NEIL3: variants seen among roughly 807,000 people sequenced by gnomAD.
NEIL3 encodes the protein endonuclease 8-like 3.
NEIL3 carries 48 observed loss-of-function variants against 57.5 expected under a neutral mutation model. That is an observed-to-expected ratio of 0.83 (90% confidence interval 0.66 to 1.06). The LOEUF is 1.06. Ranked by LOEUF, NEIL3 falls within the 50% of genes least tolerant of loss-of-function variation. The probability of loss-of-function intolerance (pLI) is 0.00; values close to 1 mark genes in which losing one functional copy is unlikely to be tolerated. For synonymous variants in NEIL3, 261 were observed against 253.2 expected (o/e 1.03, Z -0.29); for missense variants, 717 against 739.1 (o/e 0.97, Z 0.35).
In NEIL3 at chr4:177,310,014, G is replaced by A. The variant is rs775521291; in HGVS notation, c.61G>A (p.Gly21Ser). 6.2e-7 allele frequency: 1 copy of A among 1,610,592 alleles called. No homozygotes were observed. Among genetic ancestry groups the A allele is most frequent in the African/African-American group, 1.3e-5 (1 of 74,776 alleles). Reference sequence around the variant, plus strand: ...GAAGATTCGCGCGCGGGTGCTCCCGGGCCAGGCGGTGACCGGCGTGCGGGG... The same window carrying A: ...GAAGATTCGCGCGCGGGTGCTCCCGAGCCAGGCGGTGACCGGCGTGCGGGG... The part of the protein sequence containing the change: ...GEKIRARVLP[G>S]QAVTGVRGSA... The change falls in exon 1 of 10, where the codon GGC (glycine) becomes AGC (serine). Residue 21 changes from glycine (G) to serine (S), a missense_variant. Coordinates refer to ENST00000264596, the MANE Select transcript of NEIL3 (RefSeq NM_018248.3).
downstream of NEIL3, among the ~76,000 whole-genome samples, chr4:177,367,311 G>C (rs1038212970): frequency 2.6e-4 from 39 of 152,144 alleles, 1 homozygote; most frequent in African/African-American, 8.9e-4. Flanking sequence ...TTGAGGTTTA[G>C]TGTGTAGGTT....
intron 2 of NEIL3, among the ~76,000 whole-genome samples, chr4:177,326,491 G>A (rs934624730): frequency 6.6e-6 from 1 of 151,422 alleles, no homozygotes; most frequent in Non-Finnish European, 1.5e-5. Flanking sequence ...AAATTAAGTA[G>A]TGTCAGTCGT....
intron 2 of NEIL3, among the ~76,000 whole-genome samples, chr4:177,328,004 G>A (rs2110897590): frequency 1.3e-5 from 2 of 152,236 alleles, no homozygotes; most frequent in South Asian, 4.1e-4. Flanking sequence ...GCACTATGGT[G>A]TTATTTTTCT....
chr4:177,362,666 G>A lies in NEIL3; in HGVS notation c.*195G>A, dbSNP rs1459691637. On this transcript the variant is annotated 3_prime_UTR_variant, in exon 10 of 10. Coordinates refer to ENST00000264596, the MANE Select transcript of NEIL3 (RefSeq NM_018248.3). ...CGTCTTTTCTTTTGCCTTGATGAAC[G>A]TTCTATGTATTTCATCGGATATACA... 8 of 465,516 alleles carry A rather than the reference G, an allele frequency of 1.7e-5. No homozygotes were observed. Among genetic ancestry groups the A allele is most frequent in the South Asian group, 3.8e-5 (1 of 26,420 alleles). The allele number at this position is 465,516 out of a possible 1,614,324, so 28.8% of individuals were successfully genotyped here.
rs1372337389 is a variant in NEIL3 at position 177,310,123 on chromosome 4, G to GT, written c.156+15dup. ...GTCTCCCCGCAGGTGAGCTACTCCT[G>GT]TAACAGGCCATGCAGTCAGCAGGGG... On this transcript the variant is annotated intron_variant, in intron 1 of 9. Transcript: ENST00000264596. The GT allele has an allele frequency of 3.2e-6, 5 of 1,552,526 alleles. No homozygotes were observed. Among genetic ancestry groups the GT allele is most frequent in the Non-Finnish European group, 4.3e-6 (5 of 1,155,820 alleles).
chr4:177,352,275 CT>C (rs529950089), intron 7 of NEIL3, among the ~76,000 whole-genome samples: 108 of 152,328 alleles, frequency 7.1e-4, no homozygotes, highest in Non-Finnish European at 1.3e-3. Context: ...GACATCACCC[CT>C]TGCACAGCTT....
the NEIL3 span, among the ~76,000 whole-genome samples, chr4:177,370,671 C>T: frequency 6.6e-6 from 1 of 152,156 alleles, no homozygotes; most frequent in Non-Finnish European, 1.5e-5. Flanking sequence ...GAGGCCGAAG[C>T]AGGCAGATCA....
intron 1 of NEIL3, 42 bp from the exon 2 acceptor site, chr4:177,322,417 G>T: frequency 6.5e-7 from 1 of 1,546,106 alleles, no homozygotes; most frequent in Non-Finnish European, 8.8e-7. Context: ...CTTAGAGTTT[G>T]TGTGTGTGTG....
chr4:177,334,593 A>T (rs2048076), intron 2 of NEIL3, among the ~76,000 whole-genome samples: 1 of 151,948 alleles, frequency 6.6e-6, no homozygotes, highest in East Asian at 1.9e-4. Flanking sequence ...TTGAACTTCC[A>T]TAAGTTAAAT....
chr4:177,370,116 T>C, the NEIL3 span, among the ~76,000 whole-genome samples: 1 of 152,186 alleles, frequency 6.6e-6, no homozygotes, highest in South Asian at 2.1e-4. Flanking sequence ...TTGGAAGAGA[T>C]GCTGGGGTGA....
At chr4:177,367,416 C>T (rs1735706346), downstream of NEIL3, among the ~76,000 whole-genome samples, 1 of 152,114 alleles carries the variant, frequency 6.6e-6, no homozygotes, top group African/African-American at 2.4e-5. Context: ...TGCTGTGGCT[C>T]CTTATCAATC....
intron 6 of NEIL3, among the ~76,000 whole-genome samples, chr4:177,345,554 C>A (rs1735201661): frequency 6.6e-6 from 1 of 151,458 alleles, no homozygotes; most frequent in Admixed American, 6.6e-5. Flanking sequence ...TGAGATGTTA[C>A]ATATGTGTAC....
chr4:177,352,164 TTC>T (rs1735367600), intron 7 of NEIL3, among the ~76,000 whole-genome samples: 1 of 152,246 alleles, frequency 6.6e-6, no homozygotes, highest in African/African-American at 2.4e-5. Flanking sequence ...AAAGTGTTAT[TTC>T]TTTCTTCAAT....
At position 177,320,959 on chromosome 4, in the gene NEIL3, CTT is replaced by C. The variant is rs1243264013; in HGVS notation, c.157-1487_157-1486del. On this transcript the variant is annotated intron_variant, in intron 1 of 9. Transcript: ENST00000264596. ...TTTAGTGGAAGAATAGTGTCTGTCTCTTTTTTTTTTTTTTCTTTATCTCCCTG... is the reference window on the plus strand; with the variant it reads ...TTTAGTGGAAGAATAGTGTCTGTCTCTTTTTTTTTTTTCTTTATCTCCCTG... Among the ~76,000 whole-genome samples the C allele has an allele frequency of 4.3e-3, 607 of 140,812 alleles. 6 individuals carry two copies. The highest frequency in any genetic ancestry group is 0.014 in the African/African-American group (557 of 38,702). The allele number at this position is 140,812 out of a possible 152,430, so 92.4% of individuals were successfully genotyped here.
chr4:177,366,970 A>G (rs1025652863), downstream of NEIL3, among the ~76,000 whole-genome samples: 1 of 151,928 alleles, frequency 6.6e-6, no homozygotes, highest in Non-Finnish European at 1.5e-5. Flanking sequence ...TATATTTTCC[A>G]TTTCTATTAC....
At chr4:177,316,313 A>G (rs906836687) in intron 1 of NEIL3, among the ~76,000 whole-genome samples, 6 of 152,156 alleles carry the variant, frequency 3.9e-5, no homozygotes, top group Non-Finnish European at 7.3e-5. Flanking sequence ...AATAAAAACC[A>G]GGCATTCTAG....
Position 177,323,328 on chromosome 4 carries a change from C to G in NEIL3, c.278+748C>G, listed in dbSNP as rs574439369. ...CTGCTTCCTCAAATCGTTTTTAGTG[C>G]TGTTTAAAGATACTGACCACAGTTA... On this transcript the variant is annotated intron_variant, in intron 2 of 9. Coordinates refer to ENST00000264596, the MANE Select transcript of NEIL3 (RefSeq NM_018248.3). Among the ~76,000 whole-genome samples, 102 of 152,264 alleles carry G rather than the reference C, an allele frequency of 6.7e-4. 2 individuals are homozygous for G. Among genetic ancestry groups the G allele is most frequent in the South Asian group, 5.4e-3 (26 of 4,832 alleles).
intron 1 of NEIL3, among the ~76,000 whole-genome samples, chr4:177,315,835 C>G (rs1734564615): frequency 6.6e-6 from 1 of 152,096 alleles, no homozygotes; most frequent in East Asian, 1.9e-4. Context: ...TTATCCAGAG[C>G]TGATTATTTT....
chr4:177,365,306 G>A (rs1735679203), downstream of NEIL3, among the ~76,000 whole-genome samples: 1 of 152,156 alleles, frequency 6.6e-6, no homozygotes, highest in Non-Finnish European at 1.5e-5. Flanking sequence ...GCCAGGGAGA[G>A]TTCCCACCTG....
Sources: allele counts gnomAD v4.1 joint callset (sites outside exome capture counted in the v4.1 genomes callset), GRCh38; gene constraint gnomAD v4.1.1; transcripts MANE v1.5; gene names NCBI Gene and HGNC (gene_info 2026-07-23, HGNC 2026-07-21).